Variants in GABRA5 observed in about 807,000 individuals in gnomAD.
GABRA5 encodes the protein gamma-aminobutyric acid receptor subunit alpha-5.
A neutral mutation model predicts 47.3 loss-of-function variants in GABRA5; 18 were observed. That is an observed-to-expected ratio of 0.38 (90% CI 0.26 to 0.56). The LOEUF is 0.56. GABRA5 is among the 20% of genes least tolerant of loss of function. GABRA5 has a pLI of 0.71. For synonymous variants in GABRA5, 237 were observed against 229.3 expected, an observed-to-expected ratio of 1.03 and a Z score of -0.30; for missense variants, 365 against 599.3, an observed-to-expected ratio of 0.61 and a Z score of 4.08.
rs1427733810 is a variant in GABRA5 at position 26,867,545 on chromosome 15, C to G, written c.-140+434C>G. ...GGTGCAGAGCAGGCGGGGCGCGCAG[C>G]CAGGCCAGAGCGCAAACTTTACCCT... On this transcript the variant is annotated intron_variant, in intron 1 of 10. Transcript: ENST00000335625. This position sits in a 1 kb window ranked among gnomAD's most constrained non-coding sequence, Gnocchi z 5.9. The G allele has an allele frequency of 3.9e-5, 6 of 152,588 alleles. No individual in the cohort carries two copies. 9.5% of individuals were successfully genotyped at this position (152,588 alleles called of 1,614,324 possible).
chr15:26,914,886 G>A lies in GABRA5; in HGVS notation c.580+1G>A. 6.2e-7 allele frequency: 1 copy of A among 1,613,248 alleles called. No homozygotes were observed. Among genetic ancestry groups the A allele is most frequent in the Non-Finnish European group, 8.5e-7 (1 of 1,179,238 alleles). On this transcript the variant is annotated splice_donor_variant, in intron 7 of 10. Coordinates refer to ENST00000335625, the MANE Select transcript of GABRA5 (RefSeq NM_000810.4). LOFTEE classifies it high-confidence loss of function. ...GCTTGCCCTCTGAAATTTGGCAGCT[G>A]TAAGTTATTTTCACAAGTAAGAGCC...
At position 26,883,017 on chromosome 15, in the gene GABRA5, G is replaced by C; in HGVS notation, c.209-149G>C. ...GCGGGGAGCAGCTCGATTTCATCTG[G>C]TAATTGTCAAGTCCTCCAAATTTAC... On this transcript the variant is annotated intron_variant, in intron 4 of 10. Coordinates refer to ENST00000335625, the MANE Select transcript of GABRA5 (RefSeq NM_000810.4). This position sits in a 1 kb window ranked among gnomAD's most constrained non-coding sequence, Gnocchi z 4.8. 1 of 721,394 alleles carries C rather than the reference G, an allele frequency of 1.4e-6. No individual in the cohort carries two copies. Among genetic ancestry groups the C allele is most frequent in the South Asian group, 1.5e-5 (1 of 67,778 alleles). The allele number at this position is 721,394 out of a possible 1,614,324, so 44.7% of individuals were successfully genotyped here. A position where few individuals can be genotyped will look rare whatever the true frequency, so the allele number is the denominator to read the frequency against.
chr15:26,927,753 A>G (rs929795648), intron 7 of GABRA5, among the ~76,000 whole-genome samples: 3 of 152,242 alleles, frequency 2.0e-5, no homozygotes, highest in Non-Finnish European at 4.4e-5. Flanking sequence ...GCTAAATGTG[A>G]TAGTATAATG....
chr15:26,915,443 T>G (rs986562356), intron 7 of GABRA5, among the ~76,000 whole-genome samples: 3 of 152,226 alleles, frequency 2.0e-5, no homozygotes, highest in Admixed American at 2.0e-4. Context: ...TATACACTTA[T>G]ACAATTCTAA....
intron 7 of GABRA5, among the ~76,000 whole-genome samples, chr15:26,918,425 C>T (rs1433467428): frequency 1.3e-5 from 2 of 152,090 alleles, no homozygotes; most frequent in African/African-American, 4.8e-5. Context: ...TCTGTATGTG[C>T]TTTAGAAAAA....
intron 6 of GABRA5, among the ~76,000 whole-genome samples, chr15:26,910,157 G>C (rs1380264909): frequency 2.0e-5 from 3 of 151,752 alleles, no homozygotes; most frequent in African/African-American, 7.3e-5. Context: ...TAATAGCAAA[G>C]CTACTCTAGA....
Position 26,943,294 on chromosome 15 carries a change from C to A in GABRA5, c.957C>A (p.Ala319=). Residue 319 remains alanine (A), a synonymous_variant, in exon 10 of 11, where the codon GCC becomes GCA. Transcript: ENST00000335625. ...NSLPKVAYAT[A]MDWFIAVCYA... ...TGCCCAAAGTGGCCTACGCCACCGC[C>A]ATGGACTGGTTCATAGCCGTGTGCT... 1 of 1,579,570 alleles carries A rather than the reference C, an allele frequency of 6.3e-7. No homozygotes were observed. Among genetic ancestry groups the A allele is most frequent in the Non-Finnish European group, 8.6e-7 (1 of 1,162,928 alleles).
rs1206379414 is a variant in GABRA5 at position 26,943,454 on chromosome 15, C to G, written c.1089+28C>G. The G allele has an allele frequency of 1.9e-6, 3 of 1,542,990 alleles. No homozygotes were observed. In the African/African-American group the frequency reaches 4.1e-5, roughly 21 times the overall value. ...ACTGACTATTTCTCCTCCTTTCTTC[C>G]AGGTCCCCTTGACAGAGAAAGTGTG... On this transcript the variant is annotated intron_variant, in intron 10 of 10. Coordinates refer to ENST00000335625, the MANE Select transcript of GABRA5 (RefSeq NM_000810.4).
At chr15:26,927,213 C>T (rs1893981622) in intron 7 of GABRA5, among the ~76,000 whole-genome samples, 1 of 151,902 alleles carries the variant, frequency 6.6e-6, no homozygotes, top group South Asian at 2.1e-4. Context: ...AAGGGATTCT[C>T]CTGCCTCAGC....
Position 26,883,083 on chromosome 15 carries a change from TG to T in GABRA5, c.209-81del. On this transcript the variant is annotated intron_variant, in intron 4 of 10. Coordinates refer to ENST00000335625, the MANE Select transcript of GABRA5 (RefSeq NM_000810.4). The surrounding 1 kb of genome is among the most constrained non-coding windows in gnomAD (Gnocchi z 4.8). Reference sequence around the variant, plus strand: ...AGCCCCCGGTTGCAGAGGGTGACCCTGGTTACTGGACTGAGAGCACGAGAGT... The same window carrying T: ...AGCCCCCGGTTGCAGAGGGTGACCCTGTTACTGGACTGAGAGCACGAGAGT... 1 of 1,120,066 alleles carries T rather than the reference TG, an allele frequency of 8.9e-7. No homozygotes were observed. Among genetic ancestry groups the T allele is most frequent in the Non-Finnish European group, 1.4e-6 (1 of 729,698 alleles). The allele number at this position is 1,120,066 out of a possible 1,614,324, so 69.4% of individuals were successfully genotyped here. A position where few individuals can be genotyped will look rare whatever the true frequency, so the allele number is the denominator to read the frequency against.
chr15:26,914,657 G>C (rs377652244), intron 6 of GABRA5, 146 bp from the exon 7 acceptor site: 7 of 637,592 alleles, frequency 1.1e-5, no homozygotes, highest in African/African-American at 1.1e-4. Flanking sequence ...ACAAACTTAC[G>C]TAATTTGGTG....
intron 7 of GABRA5, among the ~76,000 whole-genome samples, chr15:26,931,219 A>G (rs1595430859): frequency 6.6e-6 from 1 of 152,126 alleles, no homozygotes; most frequent in African/African-American, 2.4e-5. Context: ...ATCTGGGTTC[A>G]TTCAGTCTGC....
At position 26,873,083 on chromosome 15, in the gene GABRA5, G is replaced by A. The variant is rs374724112; in HGVS notation, c.86+3749G>A. Among the ~76,000 whole-genome samples the A allele has an allele frequency of 1.9e-4, 29 of 152,238 alleles. No individual in the cohort carries two copies. The South Asian group carries it at 4.4e-3, about 23-fold the overall frequency. On this transcript the variant is annotated intron_variant, in intron 3 of 10. Transcript: ENST00000335625. ...AGGCCCTTTTTGGACACTCAGCCCC[G>A]TGCTAAGGTACGTTTGACGACCTGG...
intron 6 of GABRA5, among the ~76,000 whole-genome samples, chr15:26,884,802 G>A (rs1412752804): frequency 6.6e-6 from 1 of 152,176 alleles, no homozygotes; most frequent in Non-Finnish European, 1.5e-5. Context: ...TTTTGGAGGG[G>A]GTTTACCAAC....
rs950962282 is a variant in GABRA5 at position 26,891,133 on chromosome 15, G to A, written c.497+7576G>A. On this transcript the variant is annotated intron_variant, in intron 6 of 10. Coordinates refer to ENST00000335625, the MANE Select transcript of GABRA5 (RefSeq NM_000810.4). Reference sequence around the variant, plus strand: ...GTCTGCAGCCACTGCAGGCAGTTCCGTCTGGCCAGGCCATGCTTTGGACTC... The same window carrying A: ...GTCTGCAGCCACTGCAGGCAGTTCCATCTGGCCAGGCCATGCTTTGGACTC... Among the ~76,000 whole-genome samples the A allele has an allele frequency of 2.0e-5, 3 of 152,248 alleles. No individual in the cohort carries two copies. The East Asian group carries it at 5.8e-4, about 29-fold the overall frequency.
rs749942488 is a variant in GABRA5 at position 26,937,339 on chromosome 15, G to T, written c.724+11G>T. The stretch of plus-strand genomic sequence containing the variant: ...TCAGCACCAGCACAGGTGAGGGCTC[G>T]GCACGCGCTGTGCTGCCAGGCGCAC... On this transcript the variant is annotated intron_variant, in intron 8 of 10. Transcript: ENST00000335625. The T allele has an allele frequency of 6.3e-7, 1 of 1,596,708 alleles. No individual in the cohort carries two copies. Among genetic ancestry groups the T allele is most frequent in the South Asian group, 1.1e-5 (1 of 87,682 alleles).
At chr15:26,870,746 T>C (rs1014513340) in intron 3 of GABRA5, among the ~76,000 whole-genome samples, 1 of 152,264 alleles carries the variant, frequency 6.6e-6, no homozygotes, top group Non-Finnish European at 1.5e-5. Flanking sequence ...TTCTTCTGAA[T>C]GAAATGTCTG....
At chr15:26,877,671 A>C (rs976576273) in intron 3 of GABRA5, 1 of 455,684 alleles carries the variant, frequency 2.2e-6, no homozygotes, top group Non-Finnish European at 4.4e-6. Flanking sequence ...TTCTCCAGAA[A>C]TGACGCCACA....
chr15:26,917,063 C>T (rs1893733096), intron 7 of GABRA5, among the ~76,000 whole-genome samples: 1 of 151,854 alleles, frequency 6.6e-6, no homozygotes, highest in African/African-American at 2.4e-5. Context: ...CCTTTTATTT[C>T]CTTTTCTTGT....
Sources: gnomAD v4.1 joint callset for allele counts (sites outside exome capture counted in the v4.1 genomes callset) on GRCh38, gnomAD v4.1.1 for gene constraint, Gnocchi (gnomAD v3.1) non-coding constraint, MANE v1.5 for transcripts, NCBI Gene and HGNC (gene_info 2026-07-23, HGNC 2026-07-21) for gene names.